The following PCYT1A variants were observed in gnomAD, a reference collection of about 807,000 sequenced individuals.
PCYT1A encodes the protein choline-phosphate cytidylyltransferase A.
PCYT1A carries 25 observed loss-of-function variants against 43.7 expected under a neutral mutation model. The ratio of observed to expected loss-of-function variants is 0.57; its 90% CI spans 0.42 to 0.80. The LOEUF (loss-of-function observed/expected upper bound fraction) is 0.80, where lower values mean the gene tolerates loss of function less well. Among genes scored for constraint, PCYT1A ranks in the 30% least tolerant of loss-of-function variants. The probability of loss-of-function intolerance (pLI) is 0.00; values close to 1 mark genes in which losing one functional copy is unlikely to be tolerated. For synonymous variants in PCYT1A, 172 were observed against 170.7 expected (o/e 1.01, Z -0.06); for missense variants, 421 against 474.2 (o/e 0.89, Z 1.04).
intron 2 of PCYT1A, among the ~76,000 whole-genome samples, chr3:196,265,764 G>A (rs1405954653): frequency 3.3e-5 from 5 of 151,890 alleles, no homozygotes; most frequent in Non-Finnish European, 5.9e-5. Flanking sequence ...TTGAGACGGA[G>A]TCTCGCTCTG....
At position 196,241,617 on chromosome 3, in the gene PCYT1A, G is replaced by A. The variant is rs559754141; in HGVS notation, c.708+331C>T. 3.8e-5 allele frequency: 50 copies of A among 1,322,036 alleles called. 1 individual carries two copies. In the South Asian group the frequency reaches 4.6e-4, roughly 12 times the overall value. 81.9% of individuals were successfully genotyped at this position (1,322,036 alleles called of 1,614,324 possible). A position where few individuals can be genotyped will look rare whatever the true frequency, so the allele number is the denominator to read the frequency against. ...ACACGAGGAGGGCTCATAGCCTTTCGCAGGTTCCCAAGACATCATCCAACC... is the reference window on the plus strand; with the variant it reads ...ACACGAGGAGGGCTCATAGCCTTTCACAGGTTCCCAAGACATCATCCAACC... On this transcript the variant is annotated intron_variant, in intron 7 of 8. Transcript: ENST00000431016.
intron 3 of PCYT1A, among the ~76,000 whole-genome samples, chr3:196,249,271 C>A (rs999178548): frequency 2.0e-5 from 3 of 151,256 alleles, no homozygotes; most frequent in Middle Eastern, 3.2e-3. Flanking sequence ...CTCAGCCTCC[C>A]AAGTAGATGG....
At chr3:196,281,118 C>T (rs192852378) in intron 1 of PCYT1A, among the ~76,000 whole-genome samples, 2 of 152,330 alleles carry the variant, frequency 1.3e-5, no homozygotes, top group East Asian at 3.9e-4. Flanking sequence ...CATATCAATG[C>T]CCAGTTCCAA....
At chr3:196,266,922 G>A (rs1725289690) in intron 2 of PCYT1A, among the ~76,000 whole-genome samples, 1 of 151,908 alleles carries the variant, frequency 6.6e-6, no homozygotes, top group African/African-American at 2.4e-5. Context: ...TATAATCCCA[G>A]TACTTTGGGA....
intron 5 of PCYT1A, among the ~76,000 whole-genome samples, chr3:196,244,669 A>G (rs1475684614): frequency 6.6e-6 from 1 of 152,228 alleles, no homozygotes; most frequent in Non-Finnish European, 1.5e-5. Context: ...ATGTGGGGAA[A>G]AGATAGAAAA....
intron 1 of PCYT1A, among the ~76,000 whole-genome samples, chr3:196,279,897 C>T (rs887921365): frequency 6.3e-5 from 9 of 143,482 alleles, no homozygotes; most frequent in Non-Finnish European, 1.2e-4. Context: ...TACAATGGCA[C>T]GATCTCAGCT....
chr3:196,262,590 GTC>G (rs1725146997), intron 2 of PCYT1A, among the ~76,000 whole-genome samples: 1 of 152,090 alleles, frequency 6.6e-6, no homozygotes, highest in Admixed American at 6.6e-5. Flanking sequence ...ATTATGAATT[GTC>G]TCTGAATGCA....
Position 196,252,182 on chromosome 3 carries a change from G to GCCCCA in PCYT1A, c.218-3860_218-3859insTGGGG, listed in dbSNP as rs1560167404. On this transcript the variant is annotated intron_variant, in intron 3 of 8. Coordinates refer to ENST00000431016, the MANE Select transcript of PCYT1A (RefSeq NM_001312673.2). The surrounding 1 kb of genome is among the most constrained non-coding windows in gnomAD (Gnocchi z 4.0). Reference sequence around the variant, plus strand: ...CACTGGCTACAGCGCACACCACTACGCTCAGCTGATTTTTGTATTTTTTGT... The same window carrying GCCCCA: ...CACTGGCTACAGCGCACACCACTACGCCCCACTCAGCTGATTTTTGTATTTTTTGT... Among the ~76,000 whole-genome samples the GCCCCA allele has an allele frequency of 6.6e-6, 1 of 152,172 alleles. No individual in the cohort carries two copies. Among genetic ancestry groups the GCCCCA allele is most frequent in the African/African-American group, 2.4e-5 (1 of 41,426 alleles).
chr3:196,285,997 G>GT (rs1249733071), intron 1 of PCYT1A, among the ~76,000 whole-genome samples: 1 of 150,754 alleles, frequency 6.6e-6, no homozygotes, highest in Non-Finnish European at 1.5e-5. Flanking sequence ...CTCATGAGCA[G>GT]TTTCTCATAC....
chr3:196,252,965 A>T lies in PCYT1A; in HGVS notation c.218-4642T>A, dbSNP rs1435352910. On this transcript the variant is annotated intron_variant, in intron 3 of 8. Transcript: ENST00000431016. This position sits in a 1 kb window ranked among gnomAD's most constrained non-coding sequence, Gnocchi z 4.0. ...TAATAAGACAAAGCAAAATAAAACA[A>T]AATTTGAGCATATAATCCCCCTTCT... 6.6e-6 allele frequency among the ~76,000 whole-genome samples: 1 copy of T among 152,230 alleles called. No homozygotes were observed. Among genetic ancestry groups the T allele is most frequent in the East Asian group, 1.9e-4 (1 of 5,202 alleles).
intron 3 of PCYT1A, 31 bp downstream of exon 3, chr3:196,257,757 C>G: frequency 7.6e-7 from 1 of 1,319,900 alleles, no homozygotes; most frequent in Non-Finnish European, 1.1e-6. Flanking sequence ...AAACAATAGT[C>G]AAACAACAAA....
Position 196,270,478 on chromosome 3 carries a change from C to T in PCYT1A, c.54G>A (p.Ala18=), listed in dbSNP as rs200496999. Reference sequence around the variant, plus strand: ...CTTCTGTTGCCCCGTTGGGTCCGGGCGCCTCTTTTCTCCTCTTCCTTGCAT... The same window carrying T: ...CTTCTGTTGCCCCGTTGGGTCCGGGTGCCTCTTTTCTCCTCTTCCTTGCAT... The part of the protein sequence containing the change: ...KVNARKRRKE[A]PGPNGATEED... The change falls in exon 2 of 9, where the codon GCG becomes GCA. Residue 18 remains alanine, a synonymous_variant. Transcript: ENST00000431016. 1.9e-5 allele frequency: 30 copies of T among 1,614,168 alleles called. No individual in the cohort carries two copies. Among genetic ancestry groups the T allele is most frequent in the Middle Eastern group, 1.6e-4 (1 of 6,062 alleles).
intron 3 of PCYT1A, among the ~76,000 whole-genome samples, 161 bp downstream of exon 3, chr3:196,257,627 C>T (rs541151149): frequency 6.6e-6 from 1 of 152,232 alleles, no homozygotes; most frequent in East Asian, 1.9e-4. Flanking sequence ...GTGGAGTTAC[C>T]CTTCTAAATA....
At chr3:196,261,344 T>C (rs992988869) in intron 2 of PCYT1A, among the ~76,000 whole-genome samples, 3 of 152,178 alleles carry the variant, frequency 2.0e-5, no homozygotes, top group Non-Finnish European at 2.9e-5. Context: ...TTTTATGTTA[T>C]GTGAATTTTA....
chr3:196,248,163 A>C, intron 4 of PCYT1A, 44 bp downstream of exon 4: 1 of 1,055,820 alleles, frequency 9.5e-7, no homozygotes, highest in Non-Finnish European at 1.5e-6. Context: ...CTGTACTATC[A>C]TCTTTTTCTG....
At position 196,272,419 on chromosome 3, in the gene PCYT1A, C is replaced by T. The variant is rs1252038915; in HGVS notation, c.-10-1878G>A. ...CAGGCTGGTCTCGAACACCTGACCT[C>T]GTGATCCACCTGCCTCGTCCTCCAA... On this transcript the variant is annotated intron_variant, in intron 1 of 8. Transcript: ENST00000431016. Among the ~76,000 whole-genome samples the T allele has an allele frequency of 3.3e-5, 5 of 152,258 alleles. No homozygotes were observed. The South Asian group carries it at 6.2e-4, about 19-fold the overall frequency.
At chr3:196,271,246 T>G (rs867561830) in intron 1 of PCYT1A, among the ~76,000 whole-genome samples, 1 of 152,074 alleles carries the variant, frequency 6.6e-6, no homozygotes, top group Non-Finnish European at 1.5e-5. Context: ...CTTGAATTCC[T>G]GGCCTCAAGT....
At chr3:196,280,570 G>GTTTTTTTTTTTTTTTTTTTTTT in intron 1 of PCYT1A, among the ~76,000 whole-genome samples, 9 of 91,332 alleles carry the variant, frequency 9.9e-5, no homozygotes, top group African/African-American at 1.3e-4. Context: ...TATTTTTATT[G>GTTTTTTTTTTTTTTTTTTTTTT]TTTTTTTTTT....
At chr3:196,255,415 A>T (rs1724924763) in intron 3 of PCYT1A, among the ~76,000 whole-genome samples, 1 of 152,190 alleles carries the variant, frequency 6.6e-6, no homozygotes, top group South Asian at 2.1e-4. Context: ...TAATTGCTTT[A>T]TGTACTTAAT....
Sources: gnomAD v4.1 joint callset for allele counts (sites outside exome capture counted in the v4.1 genomes callset) on GRCh38, gnomAD v4.1.1 for gene constraint, Gnocchi (gnomAD v3.1) non-coding constraint, MANE v1.5 for transcripts, NCBI Gene and HGNC (gene_info 2026-07-23, HGNC 2026-07-21) for gene names.